The following TSHZ2 variants were observed in gnomAD, a reference collection of about 807,000 sequenced individuals.
TSHZ2 encodes teashirt zinc finger homeobox 2, also known as teashirt homolog 2.
A neutral mutation model predicts 74.4 loss-of-function variants in TSHZ2; 21 were observed. The observed-to-expected ratio is 0.28, with a 90% CI of 0.20 to 0.41. The LOEUF is 0.41. TSHZ2 is among the 10% of genes least tolerant of loss of function. The probability of loss-of-function intolerance (pLI) is 1.00; values close to 1 mark genes in which losing one functional copy is unlikely to be tolerated. For missense variants in TSHZ2, 1,244 were observed against 1,293.5 expected, an observed-to-expected ratio of 0.96 and a Z score of 0.59; for synonymous variants, 540 against 515.3, an observed-to-expected ratio of 1.05 and a Z score of -0.65.
At chr20:53,441,290 G>C (rs562827465) in intron 2 of TSHZ2, among the ~76,000 whole-genome samples, 1 of 131,728 alleles carries the variant, frequency 7.6e-6, no homozygotes, top group Admixed American at 7.7e-5. Context: ...TTTTGAGATG[G>C]AGTCTCACTC....
intron 2 of TSHZ2, among the ~76,000 whole-genome samples, chr20:53,462,144 C>G (rs1334213656): frequency 6.6e-6 from 1 of 151,988 alleles, no homozygotes; most frequent in Non-Finnish European, 1.5e-5. Context: ...ATCTCAGCTG[C>G]TTGGGAGGTT....
At chr20:53,161,506 T>C (rs759543800) in intron 1 of TSHZ2, among the ~76,000 whole-genome samples, 1 of 152,206 alleles carries the variant, frequency 6.6e-6, no homozygotes, top group Non-Finnish European at 1.5e-5. Context: ...AGAGATGTAA[T>C]TGACTCACAG....
intron 1 of TSHZ2, among the ~76,000 whole-genome samples, chr20:53,120,916 A>T (rs1986790604): frequency 6.6e-6 from 1 of 152,230 alleles, no homozygotes; most frequent in Non-Finnish European, 1.5e-5. Flanking sequence ...ATCATAGAAG[A>T]TGTACAAAAT....
chr20:53,188,802 C>T (rs756056468), intron 1 of TSHZ2, among the ~76,000 whole-genome samples: 13 of 152,098 alleles, frequency 8.5e-5, no homozygotes, highest in Admixed American at 5.2e-4. Flanking sequence ...TATATATATA[C>T]GGTTCTTACG....
intron 1 of TSHZ2, among the ~76,000 whole-genome samples, chr20:53,013,975 T>A (rs534245436): frequency 3.0e-3 from 460 of 152,336 alleles, no homozygotes; most frequent in African/African-American, 8.8e-3. Context: ...ATTTCCTGCC[T>A]CGTGGGGATG....
At chr20:53,063,298 C>T (rs1331684484) in intron 1 of TSHZ2, among the ~76,000 whole-genome samples, 1 of 152,114 alleles carries the variant, frequency 6.6e-6, no homozygotes, top group East Asian at 1.9e-4. Flanking sequence ...TTAAACCAAG[C>T]ATGCCTGTAT....
intron 1 of TSHZ2, among the ~76,000 whole-genome samples, chr20:53,080,356 T>G (rs1985494104): frequency 6.6e-6 from 1 of 152,208 alleles, no homozygotes; most frequent in African/African-American, 2.4e-5. Context: ...GCTTAATCTC[T>G]TTACAGGAAA....
intron 2 of TSHZ2, among the ~76,000 whole-genome samples, chr20:53,314,947 A>C (rs145078121): frequency 6.6e-6 from 1 of 152,142 alleles, no homozygotes; most frequent in African/African-American, 2.4e-5. Context: ...TGCAACATGA[A>C]GGCAGGCTTC....
At chr20:53,467,534 G>A (rs956398104) in intron 2 of TSHZ2, among the ~76,000 whole-genome samples, 1 of 152,052 alleles carries the variant, frequency 6.6e-6, no homozygotes, top group South Asian at 2.1e-4. Flanking sequence ...CTTATTGAAC[G>A]CCAGGCAACA....
chr20:53,087,983 T>G (rs1270448279), intron 1 of TSHZ2, among the ~76,000 whole-genome samples: 1 of 152,224 alleles, frequency 6.6e-6, no homozygotes, highest in Non-Finnish European at 1.5e-5. Flanking sequence ...CTGGCATTAT[T>G]TTTTAAAATT....
At chr20:53,200,627 G>A (rs543914090) in intron 1 of TSHZ2, among the ~76,000 whole-genome samples, 5 of 152,096 alleles carry the variant, frequency 3.3e-5, no homozygotes, top group South Asian at 4.2e-4. Context: ...TTCTTGCTGC[G>A]TTTTTGGGGA....
chr20:53,165,883 A>G (rs1389957596), intron 1 of TSHZ2, among the ~76,000 whole-genome samples: 1 of 152,214 alleles, frequency 6.6e-6, no homozygotes, highest in Non-Finnish European at 1.5e-5. Context: ...ACCCTTGCAC[A>G]GCCACTTAAC....
In TSHZ2 at chr20:53,386,807, A is replaced by G. The variant is rs115428233; in HGVS notation, c.*9-100337A>G. On this transcript the variant is annotated intron_variant, in intron 2 of 2. Coordinates refer to ENST00000371497, the MANE Select transcript of TSHZ2 (RefSeq NM_173485.6). ...GGATGAAAGGATTTTGCTACCTTCT[A>G]TAATGACAGGCAAACAGGATTTGCT... Among the ~76,000 whole-genome samples, 515 of 152,240 alleles carry G rather than the reference A, an allele frequency of 3.4e-3. 1 individual carries two copies. Among genetic ancestry groups the G allele is most frequent in the African/African-American group, 0.012 (505 of 41,570 alleles).
intron 2 of TSHZ2, among the ~76,000 whole-genome samples, chr20:53,265,596 G>A (rs370131772): frequency 6.6e-6 from 1 of 152,176 alleles, no homozygotes; most frequent in South Asian, 2.1e-4. Flanking sequence ...GGCAGTAAAT[G>A]CCACCTCCCT....
intron 1 of TSHZ2, among the ~76,000 whole-genome samples, chr20:53,046,856 G>A (rs1984246994): frequency 6.6e-6 from 1 of 152,172 alleles, no homozygotes; most frequent in Non-Finnish European, 1.5e-5. Flanking sequence ...TGCATTCTGT[G>A]TACTTCACAA....
chr20:53,168,074 T>C lies in TSHZ2; in HGVS notation c.41-85425T>C, dbSNP rs1988103597. Among the ~76,000 whole-genome samples, 3 of 152,166 alleles carry C rather than the reference T, an allele frequency of 2.0e-5. No homozygotes were observed. The South Asian group carries it at 6.2e-4, about 32-fold the overall frequency. ...TCTGGCATCAGTTGGTCATTGTTCT[T>C]TTTGGCATCATGGGTGTGTGATTAT... On this transcript the variant is annotated intron_variant, in intron 1 of 2. Coordinates refer to ENST00000371497, the MANE Select transcript of TSHZ2 (RefSeq NM_173485.6).
At chr20:53,006,887 A>C (rs766026284) in intron 1 of TSHZ2, among the ~76,000 whole-genome samples, 1 of 151,596 alleles carries the variant, frequency 6.6e-6, no homozygotes, top group African/African-American at 2.4e-5. Flanking sequence ...TAAAAATAGG[A>C]CTTTTCTGAG....
chr20:53,271,757 G>A (rs1240222196), intron 2 of TSHZ2, among the ~76,000 whole-genome samples: 1 of 152,234 alleles, frequency 6.6e-6, no homozygotes, highest in Non-Finnish European at 1.5e-5. Flanking sequence ...GAGAGAGGGT[G>A]TGGTTCATTC....
At chr20:53,287,585 G>A (rs990683277) in intron 2 of TSHZ2, among the ~76,000 whole-genome samples, 6 of 152,226 alleles carry the variant, frequency 3.9e-5, no homozygotes, top group African/African-American at 1.4e-4. Flanking sequence ...ATCCCCAGAA[G>A]AGGAAGTGTT....
Sources: allele counts gnomAD v4.1 joint callset (sites outside exome capture counted in the v4.1 genomes callset), GRCh38; gene constraint gnomAD v4.1.1; transcripts MANE v1.5; gene names NCBI Gene and HGNC (gene_info 2026-07-23, HGNC 2026-07-21).